The following GCSAML variants were observed in gnomAD, a reference collection of about 807,000 sequenced individuals.
GCSAML encodes the protein germinal center-associated signaling and motility-like protein.
A neutral mutation model predicts 13.0 loss-of-function variants in GCSAML; 9 were observed. That is an observed-to-expected ratio of 0.69 (90% CI 0.42 to 1.21). The LOEUF is 1.21. Among genes scored for constraint, GCSAML ranks in the 50% most tolerant of loss-of-function variants. The pLI, the probability that GCSAML is intolerant of heterozygous loss-of-function variation, is 0.00. For missense variants in GCSAML, 143 were observed against 153.4 expected (o/e 0.93, Z 0.36); for synonymous variants, 37 against 52.9 (o/e 0.70, Z 1.31).
chr1:247,562,348 G>A (rs748840677), intron 2 of GCSAML, among the ~76,000 whole-genome samples: 2 of 152,134 alleles, frequency 1.3e-5, no homozygotes, highest in African/African-American at 4.8e-5. Flanking sequence ...CCTGAGGTCC[G>A]TGTGCCAGAG....
chr1:247,541,956 G>A (rs1667429272), intron 2 of GCSAML, among the ~76,000 whole-genome samples: 1 of 151,372 alleles, frequency 6.6e-6, no homozygotes, highest in African/African-American at 2.4e-5. Context: ...GTTACAGTGA[G>A]CCGAGATTGT....
intron 2 of GCSAML, chr1:247,531,748 C>A: frequency 6.2e-7 from 1 of 1,614,164 alleles, no homozygotes; most frequent in Non-Finnish European, 8.5e-7. Context: ...GAAGATGATG[C>A]TCCCGTAAAA....
rs180762008 is a variant in GCSAML, at chr1:247,557,441, T to G, written c.89+975T>G. On this transcript the variant is annotated intron_variant, in intron 2 of 4. Transcript: ENST00000366488. ...CTTAGATGAACAGAAACACCCTGCC[T>G]TGTTGGTTAACTGTAGGCTTTTCGT... Among the ~76,000 whole-genome samples the G allele has an allele frequency of 3.3e-5, 5 of 152,360 alleles. No individual in the cohort carries two copies. The East Asian group carries it at 7.7e-4, about 23-fold the overall frequency.
chr1:247,511,336 C>T (rs1320449680), intron 1 of GCSAML, among the ~76,000 whole-genome samples: 1 of 152,068 alleles, frequency 6.6e-6, no homozygotes, highest in East Asian at 1.9e-4. Flanking sequence ...AGGATTGCAA[C>T]CTCTGCTTTT....
intron 2 of GCSAML, chr1:247,538,752 C>CT (rs1268507847): frequency 1.5e-5 from 7 of 456,448 alleles, no homozygotes; most frequent in Non-Finnish European, 2.6e-5. Context: ...GAAACCAACC[C>CT]TGAGGGTACC....
chr1:247,538,650 G>C, intron 2 of GCSAML: 1 of 434,956 alleles, frequency 2.3e-6, no homozygotes, highest in Non-Finnish European at 4.6e-6. Flanking sequence ...GCCTACCCCA[G>C]TCTCTTTCTT....
Position 247,562,995 on chromosome 1 carries a change from G to A in GCSAML, c.90-595G>A, listed in dbSNP as rs72775709. Among the ~76,000 whole-genome samples, 434 of 144,472 alleles carry A rather than the reference G, an allele frequency of 3.0e-3. 1 individual carries two copies. Among genetic ancestry groups the A allele is most frequent in the Middle Eastern group, 0.011 (3 of 284 alleles). The allele number at this position is 144,472 out of a possible 152,430, so 94.8% of individuals were successfully genotyped here. On this transcript the variant is annotated intron_variant, in intron 2 of 4. Coordinates refer to ENST00000366488, the MANE Select transcript of GCSAML (RefSeq NM_145278.5). ...GTTGGGACTACAAGTGCATGCCACC[G>A]TACCCAGCTCATTTTTTTTTTTTTT...
At chr1:247,550,017 T>C (rs1667712013) in intron 1 of GCSAML, among the ~76,000 whole-genome samples, 1 of 152,170 alleles carries the variant, frequency 6.6e-6, no homozygotes, top group Non-Finnish European at 1.5e-5. Flanking sequence ...GTGGGTACCA[T>C]GTAGAAATAT....
At chr1:247,546,166 TG>T (rs1348194662), upstream of GCSAML, among the ~76,000 whole-genome samples, 1 of 152,152 alleles carries the variant, frequency 6.6e-6, no homozygotes, top group East Asian at 1.9e-4. Flanking sequence ...CGTTTTGTTT[TG>T]TTTTGTCTAA....
At chr1:247,535,710 TG>T (rs1023534396) in intron 2 of GCSAML, among the ~76,000 whole-genome samples, 64 of 152,224 alleles carry the variant, frequency 4.2e-4, no homozygotes, top group African/African-American at 1.5e-3. Flanking sequence ...CTTCTAGAAA[TG>T]TTTAGTAACT....
At chr1:247,507,210 G>T (rs1467817658) in exon 1 of GCSAML, 5 of 152,164 alleles carry the variant, frequency 3.3e-5, no homozygotes, top group Non-Finnish European at 7.3e-5. Flanking sequence ...TACATACATG[G>T]ATTCAATTCG....
At chr1:247,531,602 G>C (rs769488555) in intron 2 of GCSAML, 1 of 1,614,020 alleles carries the variant, frequency 6.2e-7, no homozygotes, top group African/African-American at 1.3e-5. Context: ...AATACCATGT[G>C]CCGGAGGGCG....
Position 247,522,296 on chromosome 1 carries a change from T to TG in GCSAML, c.-262-4638dup, listed in dbSNP as rs1235650515. On this transcript the variant is annotated intron_variant, in intron 1 of 5. Transcript: ENST00000366489. ...CTAGCCGCCCTGTCCGGGAGGGAGG[T>TG]GGGGGGCGCCTCCACCTGGCCGCCG... Among the ~76,000 whole-genome samples, 2 of 106,390 alleles carry TG rather than the reference T, an allele frequency of 1.9e-5. 1 individual carries two copies. The highest frequency in any genetic ancestry group is 6.8e-5 in the African/African-American group (2 of 29,542). 69.8% of individuals were successfully genotyped at this position (106,390 alleles called of 152,430 possible). A position where few individuals can be genotyped will look rare whatever the true frequency, so the allele number is the denominator to read the frequency against.
At chr1:247,512,000 C>T (rs7548506) in intron 1 of GCSAML, among the ~76,000 whole-genome samples, 12,602 of 152,104 alleles carry the variant, frequency 0.083, 590 homozygotes, top group African/African-American at 0.13. Flanking sequence ...TTGCTCTTCT[C>T]GCGGAGTATC....
At position 247,534,706 on chromosome 1, in the gene GCSAML, A is replaced by G. The variant is rs187036897; in HGVS notation, c.-148+7652A>G. ...GAACAGAGCAGCTGTGAACTTAACTATCAGCCTTCTTAAAATCCCAGAGAG... is the reference window on the plus strand; with the variant it reads ...GAACAGAGCAGCTGTGAACTTAACTGTCAGCCTTCTTAAAATCCCAGAGAG... On this transcript the variant is annotated intron_variant, in intron 2 of 5. Coordinates refer to the GCSAML transcript ENST00000366489. 7.2e-5 allele frequency among the ~76,000 whole-genome samples: 11 copies of G among 152,344 alleles called. No homozygotes were observed. In the East Asian group the frequency reaches 1.9e-3, roughly 27 times the overall value.
intron 4 of GCSAML, 107 bp from the exon 5 acceptor site, chr1:247,574,036 G>A: frequency 7.8e-7 from 1 of 1,285,746 alleles, no homozygotes; most frequent in Non-Finnish European, 1.1e-6. Context: ...GATACCTTAA[G>A]TGTAAGAGCA....
intron 1 of GCSAML, among the ~76,000 whole-genome samples, chr1:247,522,561 C>G (rs1186142520): frequency 1.3e-5 from 2 of 152,104 alleles, no homozygotes; most frequent in East Asian, 1.9e-4. Context: ...CCATTTTGTT[C>G]TGTACTAAGA....
chr1:247,532,365 G>T, intron 2 of GCSAML: 4 of 1,614,074 alleles, frequency 2.5e-6, no homozygotes, highest in Non-Finnish European at 3.4e-6. Flanking sequence ...CTGTATGGGA[G>T]ACCAGAATGA....
At chr1:247,518,307 A>G (rs1376673759) in intron 1 of GCSAML, 1 of 152,312 alleles carries the variant, frequency 6.6e-6, no homozygotes, top group Non-Finnish European at 1.5e-5. Flanking sequence ...TTCCGCGTGG[A>G]CGCCGGCAGG....
Sources: allele counts gnomAD v4.1 joint callset (sites outside exome capture counted in the v4.1 genomes callset), GRCh38; gene constraint gnomAD v4.1.1; transcripts MANE v1.5; gene names NCBI Gene and HGNC (gene_info 2026-07-23, HGNC 2026-07-21).